Variants in DNAH8 observed in about 807,000 individuals in gnomAD.
DNAH8 encodes dynein axonemal heavy chain 8, also known as axonemal beta dynein heavy chain 8.
Under a neutral mutation model 562.1 loss-of-function variants are expected in DNAH8, and 382 were observed. The observed-to-expected ratio is 0.68, with a 90% CI of 0.63 to 0.74. DNAH8 has a LOEUF of 0.74. Ranked by LOEUF, DNAH8 falls within the 30% of genes least tolerant of loss-of-function variation. The pLI, the probability that DNAH8 is intolerant of heterozygous loss-of-function variation, is 0.00. For missense variants in DNAH8, 5,203 were observed against 5,620.4 expected (o/e 0.93, Z 2.37); for synonymous variants, 1,881 against 1,919.4 (o/e 0.98, Z 0.52).
intron 88 of DNAH8, 21 bp downstream of exon 88, chr6:38,990,193 A>T (rs759669751): frequency 7.7e-6 from 12 of 1,552,110 alleles, no homozygotes; most frequent in Non-Finnish European, 1.1e-5. Context: ...GGCATTTTTT[A>T]ATTTGAAGGG....
Position 38,909,755 on chromosome 6 carries a change from T to G in DNAH8, c.9740+11T>G. Reference sequence around the variant, plus strand: ...AAGTTATTTCCAAAGGTAAGTGATATTACATAAGCACCATCGCTATGGAAC... The same window carrying G: ...AAGTTATTTCCAAAGGTAAGTGATAGTACATAAGCACCATCGCTATGGAAC... On this transcript the variant is annotated intron_variant, in intron 65 of 92. Transcript: ENST00000327475. The G allele has an allele frequency of 1.9e-6, 3 of 1,604,996 alleles. No individual in the cohort carries two copies. The highest frequency in any genetic ancestry group is 2.6e-6 in the Non-Finnish European group (3 of 1,171,834).
rs142844582 is a variant in DNAH8, at chr6:38,973,827, C to T, written c.12678+14C>T. ...ACATTGCTTCAGGTTTGTTACTAAA[C>T]GTCTTTTCATCGAGAGTCATAGTAA... On this transcript the variant is annotated intron_variant, in intron 84 of 92. Coordinates refer to ENST00000327475, the MANE Select transcript of DNAH8 (RefSeq NM_001206927.2). 83 of 1,582,852 alleles carry T rather than the reference C, an allele frequency of 5.2e-5. No individual in the cohort carries two copies. The highest frequency in any genetic ancestry group is 5.1e-4 in the Middle Eastern group (3 of 5,912).
intron 10 of DNAH8, among the ~76,000 whole-genome samples, chr6:38,759,124 G>A (rs1766228316): frequency 6.6e-6 from 1 of 152,090 alleles, no homozygotes; most frequent in Non-Finnish European, 1.5e-5. Context: ...GCAACATAGA[G>A]AGACCTTGGC....
chr6:39,023,976 TCCCATTAGGGAGTGCCTCTC>T (rs938678881), intron 91 of DNAH8, among the ~76,000 whole-genome samples: 1 of 152,234 alleles, frequency 6.6e-6, no homozygotes, highest in Non-Finnish European at 1.5e-5. Flanking sequence ...CCAACATCAT[TCCCATTAGGGAGTGCCTCTC>T]CCCATTAGGG....
rs762397682 is a variant in DNAH8, at chr6:38,860,533, A to G, written c.6035A>G (p.Asp2012Gly). The G allele has an allele frequency of 1.2e-5, 18 of 1,522,600 alleles. No individual in the cohort carries two copies. Among genetic ancestry groups the G allele is most frequent in the Non-Finnish European group, 1.5e-5 (17 of 1,142,130 alleles). 94.3% of individuals were successfully genotyped at this position (1,522,600 alleles called of 1,614,324 possible). The change falls in exon 43 of 93, where the codon GAT becomes GGT. Residue 2012 changes from aspartate to glycine, a missense_variant. Around this residue, in one of 6 missense-constraint regions of DNAH8, gnomAD observed 2,176 missense variants for 2,365.1 expected, o/e 0.92. Coordinates refer to ENST00000327475, the MANE Select transcript of DNAH8 (RefSeq NM_001206927.2). ...QSRFYFKEDL[D>G]QTVVSITDVD... is the part of the protein sequence containing the mutation. The stretch of plus-strand genomic sequence containing the variant: ...AGATTTTATTTTAAGGAAGATTTGG[A>G]TCAAACTGTGGTGTCTATTACAGAT...
At chr6:38,793,378 T>G (rs1056842585) in intron 21 of DNAH8, among the ~76,000 whole-genome samples, 1 of 148,556 alleles carries the variant, frequency 6.7e-6, no homozygotes, top group Non-Finnish European at 1.5e-5. Context: ...TTATATCTTC[T>G]GGATTGGGTG....
intron 5 of DNAH8, 59 bp downstream of exon 5, chr6:38,734,684 C>T (rs1763945845): frequency 2.6e-6 from 4 of 1,557,690 alleles, no homozygotes; most frequent in African/African-American, 2.8e-5. Flanking sequence ...TTTGTAGTCA[C>T]ACTTATGCTT....
At chr6:38,718,457 A>G (rs995001188) in intron 1 of DNAH8, among the ~76,000 whole-genome samples, 1 of 152,220 alleles carries the variant, frequency 6.6e-6, no homozygotes, top group Non-Finnish European at 1.5e-5. Context: ...TGACACTCAA[A>G]AACCATGTAG....
chr6:38,800,724 C>G (rs1770709628), intron 21 of DNAH8, among the ~76,000 whole-genome samples: 1 of 152,086 alleles, frequency 6.6e-6, no homozygotes, highest in South Asian at 2.1e-4. Flanking sequence ...GCCATGTTGG[C>G]CAGGCTGGGC....
At chr6:38,980,820 A>G (rs1763983620) in intron 85 of DNAH8, among the ~76,000 whole-genome samples, 1 of 152,136 alleles carries the variant, frequency 6.6e-6, no homozygotes, top group Admixed American at 6.6e-5. Flanking sequence ...ACCCAAATTA[A>G]TCTTAATGGT....
At chr6:38,966,944 G>A (rs1177312219) in intron 82 of DNAH8, among the ~76,000 whole-genome samples, 10 of 152,264 alleles carry the variant, frequency 6.6e-5, no homozygotes, top group Non-Finnish European at 1.3e-4. Context: ...TGGAAGGAGG[G>A]CATCTTTTAT....
At chr6:38,820,299 G>A (rs1227473276) in intron 26 of DNAH8, among the ~76,000 whole-genome samples, 1 of 152,126 alleles carries the variant, frequency 6.6e-6, no homozygotes, top group Non-Finnish European at 1.5e-5. Context: ...TATGGTATAG[G>A]TGGATTTACA....
intron 33 of DNAH8, among the ~76,000 whole-genome samples, chr6:38,841,264 C>A (rs1774759033): frequency 6.6e-6 from 1 of 151,800 alleles, no homozygotes; most frequent in Admixed American, 6.6e-5. Flanking sequence ...ACTAAAAATA[C>A]AAAAATTAGC....
At chr6:38,856,671 A>G (rs1776224636) in intron 41 of DNAH8, among the ~76,000 whole-genome samples, 1 of 152,174 alleles carries the variant, frequency 6.6e-6, no homozygotes, top group South Asian at 2.1e-4. Context: ...CCACTGCTCT[A>G]GCAGGAAAAG....
chr6:38,932,492 A>G (rs1230343187), intron 76 of DNAH8, among the ~76,000 whole-genome samples: 1 of 152,210 alleles, frequency 6.6e-6, no homozygotes, highest in Non-Finnish European at 1.5e-5. Flanking sequence ...ACAAAGAACA[A>G]CTTAGGACTG....
intron 35 of DNAH8, among the ~76,000 whole-genome samples, chr6:38,843,215 A>T (rs1774974470): frequency 6.6e-6 from 1 of 151,284 alleles, no homozygotes; most frequent in African/African-American, 2.5e-5. Flanking sequence ...GTTCTTGGTG[A>T]ATCCCTCTGA....
chr6:38,974,334 A>G (rs753231423), intron 84 of DNAH8, 40 bp from the exon 85 acceptor site: 4 of 1,483,984 alleles, frequency 2.7e-6, no homozygotes, highest in East Asian at 4.6e-5. Flanking sequence ...TCTTTATAGT[A>G]ATTTATAGAA....
intron 32 of DNAH8, among the ~76,000 whole-genome samples, chr6:38,836,240 T>C (rs898403746): frequency 2.0e-5 from 3 of 152,070 alleles, no homozygotes. Context: ...AACCAACTGA[T>C]TAGTCAGCAA....
chr6:38,740,728 G>T (rs546147043), intron 7 of DNAH8, among the ~76,000 whole-genome samples: 1 of 151,828 alleles, frequency 6.6e-6, no homozygotes, highest in South Asian at 2.1e-4. Flanking sequence ...GATCCTCCCC[G>T]CTCAGCCTCC....
Sources: allele counts gnomAD v4.1 joint callset (sites outside exome capture counted in the v4.1 genomes callset), GRCh38; gene constraint gnomAD v4.1.1; regional missense constraint gnomAD v4.1.1; transcripts MANE v1.5; gene names NCBI Gene and HGNC (gene_info 2026-07-23, HGNC 2026-07-21).